SUMF1: variants seen among roughly 807,000 people sequenced by gnomAD.
The protein encoded by SUMF1 is formylglycine-generating enzyme.
A neutral mutation model predicts 47.6 loss-of-function variants in SUMF1; 48 were observed. The ratio of observed to expected loss-of-function variants is 1.01; its 90% CI spans 0.80 to 1.28. The LOEUF (loss-of-function observed/expected upper bound fraction) is 1.28. Among genes scored for constraint, SUMF1 ranks in the 50% most tolerant of loss-of-function variants. SUMF1 has a pLI of 0.00. For synonymous variants in SUMF1, 230 were observed against 192.1 expected (o/e 1.20, Z -1.63); for missense variants, 571 against 485.4 (o/e 1.18, Z -1.66).
chr3:4,185,293 T>A lies in SUMF1; in HGVS notation c.1015-116548A>T, dbSNP rs906246178. Among the ~76,000 whole-genome samples the A allele has an allele frequency of 3.3e-5, 5 of 152,218 alleles. No individual in the cohort carries two copies. The East Asian group carries it at 9.6e-4, about 29-fold the overall frequency. On this transcript the variant is annotated intron_variant and NMD_transcript_variant, in intron 8 of 12. Coordinates refer to the SUMF1 transcript ENST00000448413. ...GAGAAAGATTTCTATGTGTTCAAAA[T>A]GTTGGCCAGTACACCAAAATAACCA...
chr3:4,360,205 C>CTTTTTTTTTTTTTTTTTTTTTTT (rs57690047), downstream of SUMF1, among the ~76,000 whole-genome samples: 4 of 104,140 alleles, frequency 3.8e-5, 2 homozygotes, highest in Admixed American at 2.0e-4. Context: ...AATGTTTGTT[C>CTTTTTTTTTTTTTTTTTTTTTTT]TTTTTTTTTT....
chr3:4,150,108 A>T (rs2629266), intron 8 of SUMF1, among the ~76,000 whole-genome samples: 53,928 of 143,788 alleles, frequency 0.38, 9,737 homozygotes, highest in East Asian at 0.41. Flanking sequence ...TTATTTATTT[A>T]TTTTGCAGGG....
chr3:4,283,148 G>A (rs1697562151), intron 8 of SUMF1, among the ~76,000 whole-genome samples: 1 of 152,176 alleles, frequency 6.6e-6, no homozygotes, highest in African/African-American at 2.4e-5. Flanking sequence ...GAGAAGGCTT[G>A]CAAACCTGCT....
chr3:4,391,198 G>T (rs375905487), intron 7 of SUMF1, among the ~76,000 whole-genome samples: 1 of 152,060 alleles, frequency 6.6e-6, no homozygotes, highest in East Asian at 1.9e-4. Flanking sequence ...TCAAGATTTT[G>T]TCTTTCAACA....
At chr3:4,372,384 T>A (rs934449957) in intron 8 of SUMF1, among the ~76,000 whole-genome samples, 10 of 152,214 alleles carry the variant, frequency 6.6e-5, no homozygotes, top group East Asian at 5.8e-4. Context: ...GAAAATTTTT[T>A]AAAAAATGAA....
chr3:4,174,815 G>C lies in SUMF1; in HGVS notation c.1015-106070C>G, dbSNP rs1384119496. ...GCCGTGACAGACTACCTGGAAAAAA[G>C]GGACACTCCCACTCAAATACTGTGC... On this transcript the variant is annotated intron_variant and NMD_transcript_variant, in intron 8 of 12. Transcript: ENST00000448413. 2.0e-5 allele frequency among the ~76,000 whole-genome samples: 3 copies of C among 152,264 alleles called. 1 individual carries two copies. Among genetic ancestry groups the C allele is most frequent in the Admixed American group, 1.3e-4 (2 of 15,292 alleles).
intron 8 of SUMF1, among the ~76,000 whole-genome samples, chr3:4,090,947 G>T (rs969984163): frequency 6.6e-6 from 1 of 151,956 alleles, no homozygotes; most frequent in Non-Finnish European, 1.5e-5. Flanking sequence ...CAGGTGTGGA[G>T]GCACGCACCC....
chr3:4,383,108 G>A (rs1473138080), intron 7 of SUMF1, among the ~76,000 whole-genome samples: 1 of 152,008 alleles, frequency 6.6e-6, no homozygotes, highest in African/African-American at 2.4e-5. Flanking sequence ...GCCGGGCGCA[G>A]TGGCTCATGC....
intron 7 of SUMF1, among the ~76,000 whole-genome samples, chr3:4,389,274 C>T (rs866554539): frequency 9.9e-5 from 15 of 151,868 alleles, no homozygotes; most frequent in Middle Eastern, 3.5e-3. Flanking sequence ...TAAAAAACAT[C>T]ATGCCATTTC....
At chr3:4,457,058 GTATA>G (rs373828142) in intron 1 of SUMF1, among the ~76,000 whole-genome samples, 17 of 86,064 alleles carry the variant, frequency 2.0e-4, no homozygotes, top group Non-Finnish European at 3.7e-4. Flanking sequence ...ATACGTGTGT[GTATA>G]TATATATATA....
intron 9 of SUMF1, among the ~76,000 whole-genome samples, chr3:4,056,583 A>T (rs1424611702): frequency 6.6e-6 from 1 of 151,972 alleles, no homozygotes; most frequent in Non-Finnish European, 1.5e-5. Context: ...GCTTGAGCCT[A>T]AACTGTTTGA....
At chr3:4,420,301 T>C (rs1233079261) in intron 3 of SUMF1, among the ~76,000 whole-genome samples, 155 bp from the exon 4 acceptor site, 2 of 152,168 alleles carry the variant, frequency 1.3e-5, no homozygotes, top group African/African-American at 4.8e-5. Flanking sequence ...AAGACTTATA[T>C]GTAAATAAAT....
intron 8 of SUMF1, among the ~76,000 whole-genome samples, chr3:4,262,354 TC>T (rs988403932): frequency 1.9e-4 from 29 of 152,156 alleles, no homozygotes; most frequent in African/African-American, 6.0e-4. Context: ...TCACTTCTGC[TC>T]CCAGAAACTG....
At position 4,199,843 on chromosome 3, in the gene SUMF1, TA is replaced by T. The variant is rs368832800; in HGVS notation, c.1015-131099del. 4.1e-3 allele frequency among the ~76,000 whole-genome samples: 630 copies of T among 152,282 alleles called. 6 individuals are homozygous for T. The highest frequency in any genetic ancestry group is 0.014 in the African/African-American group (599 of 41,566). On this transcript the variant is annotated intron_variant and NMD_transcript_variant, in intron 8 of 12. Coordinates refer to the SUMF1 transcript ENST00000448413. Reference sequence around the variant, plus strand: ...TATGAATCTTCAGGTTATTTAATTGTAAGAGGTCTTTTCGTACCTGGACATA... The same window carrying T: ...TATGAATCTTCAGGTTATTTAATTGTAGAGGTCTTTTCGTACCTGGACATA...
chr3:4,340,225 A>C (rs568534983), intron 8 of SUMF1, among the ~76,000 whole-genome samples: 2 of 152,262 alleles, frequency 1.3e-5, no homozygotes, highest in East Asian at 3.9e-4. Flanking sequence ...TTTCCAGATG[A>C]TGCTGATGCT....
chr3:4,236,797 G>C (rs1696419829), intron 8 of SUMF1, among the ~76,000 whole-genome samples: 1 of 152,076 alleles, frequency 6.6e-6, no homozygotes, highest in Non-Finnish European at 1.5e-5. Flanking sequence ...TTCACCCTTA[G>C]TGTTGTACAT....
chr3:4,039,455 G>T, intron 9 of SUMF1, among the ~76,000 whole-genome samples: 1 of 107,432 alleles, frequency 9.3e-6, no homozygotes, highest in Admixed American at 1.2e-4. Context: ...TCCCACCTAT[G>T]AGTGAGAATA....
intron 8 of SUMF1, among the ~76,000 whole-genome samples, chr3:4,283,029 T>C (rs980382088): frequency 3.9e-5 from 6 of 152,228 alleles, no homozygotes; most frequent in African/African-American, 1.4e-4. Flanking sequence ...CTGCATATTA[T>C]GCCATTTTAG....
At chr3:4,179,931 A>G (rs1695055529) in intron 8 of SUMF1, among the ~76,000 whole-genome samples, 1 of 152,220 alleles carries the variant, frequency 6.6e-6, no homozygotes, top group Middle Eastern at 3.2e-3. Flanking sequence ...CAGCCAAAAG[A>G]CACATGAAAA....
Sources: gnomAD v4.1 joint callset for allele counts (sites outside exome capture counted in the v4.1 genomes callset) on GRCh38, gnomAD v4.1.1 for gene constraint, MANE v1.5 for transcripts, NCBI Gene and HGNC (gene_info 2026-07-23, HGNC 2026-07-21) for gene names.